Variants in PRKD1 observed in about 807,000 individuals in gnomAD.
The protein encoded by PRKD1 is serine/threonine-protein kinase D1.
Under a neutral mutation model 95.9 loss-of-function variants are expected in PRKD1, and 63 were observed. That is an observed-to-expected ratio of 0.66 (90% CI 0.54 to 0.81). The LOEUF is 0.81. Ranked by LOEUF, PRKD1 falls within the 30% of genes least tolerant of loss-of-function variation. The probability of loss-of-function intolerance (pLI) is 0.00; values close to 1 mark genes in which losing one functional copy is unlikely to be tolerated. For synonymous variants in PRKD1, 425 were observed against 423.1 expected (o/e 1.00, Z -0.05); for missense variants, 1,048 against 1,165.3 (o/e 0.90, Z 1.47).
intron 2 of PRKD1, among the ~76,000 whole-genome samples, chr14:29,687,972 G>A (rs143302426): frequency 3.9e-5 from 6 of 152,220 alleles, no homozygotes; most frequent in East Asian, 3.9e-4. Context: ...TGTAAACTCC[G>A]TGGCTTAAAA....
intron 1 of PRKD1, among the ~76,000 whole-genome samples, chr14:29,762,670 C>T (rs1888050708): frequency 6.6e-6 from 1 of 152,206 alleles, no homozygotes; most frequent in African/African-American, 2.4e-5. Flanking sequence ...TTCTAGATTG[C>T]AGACTCCCAC....
chr14:29,689,188 T>C (rs1884083073), intron 2 of PRKD1, among the ~76,000 whole-genome samples: 1 of 151,400 alleles, frequency 6.6e-6, no homozygotes, highest in Non-Finnish European at 1.5e-5. Flanking sequence ...ACCTACAGAA[T>C]GGGAGAAAAA....
At chr14:29,723,051 T>C (rs1430487302) in intron 2 of PRKD1, among the ~76,000 whole-genome samples, 1 of 152,052 alleles carries the variant, frequency 6.6e-6, no homozygotes, top group Non-Finnish European at 1.5e-5. Context: ...AGCCTTGTCT[T>C]ATTGGTGAAG....
chr14:29,813,177 C>A (rs1890560237), intron 1 of PRKD1, among the ~76,000 whole-genome samples: 1 of 152,046 alleles, frequency 6.6e-6, no homozygotes, highest in Non-Finnish European at 1.5e-5. Flanking sequence ...ATTCTAGAAA[C>A]CACAAAAATA....
At chr14:29,740,897 A>G (rs1444728247) in intron 1 of PRKD1, among the ~76,000 whole-genome samples, 1 of 152,234 alleles carries the variant, frequency 6.6e-6, no homozygotes, top group East Asian at 1.9e-4. Flanking sequence ...AATGTGGTAC[A>G]TATACACCAC....
rs117461050 is a variant in PRKD1 at position 29,921,399 on chromosome 14, A to T, written c.264+5850T>A. Among the ~76,000 whole-genome samples the T allele has an allele frequency of 6.7e-3, 1,017 of 151,700 alleles. 6 individuals carry two copies. Among genetic ancestry groups the T allele is most frequent in the Non-Finnish European group, 0.01 (699 of 67,878 alleles). On this transcript the variant is annotated intron_variant, in intron 1 of 17. Coordinates refer to ENST00000331968, the MANE Select transcript of PRKD1 (RefSeq NM_002742.3). Reference sequence around the variant, plus strand: ...TTATATATTGATATAAGAATAAGATAATAAATATAAATTTCTTTTGTTAAT... The same window carrying T: ...TTATATATTGATATAAGAATAAGATTATAAATATAAATTTCTTTTGTTAAT...
At chr14:29,776,493 C>T (rs141627628) in intron 1 of PRKD1, among the ~76,000 whole-genome samples, 577 of 152,074 alleles carry the variant, frequency 3.8e-3, no homozygotes, top group Non-Finnish European at 3.7e-3. Flanking sequence ...AACTACGGGA[C>T]GCATGCACAA....
intron 9 of PRKD1, 126 bp downstream of exon 9, chr14:29,632,743 A>AT: frequency 1.2e-6 from 1 of 808,560 alleles, no homozygotes. Context: ...AGAAAAAAAA[A>AT]ATAGTTCCTG....
chr14:29,720,748 C>A (rs1344040003), intron 2 of PRKD1, among the ~76,000 whole-genome samples: 2 of 151,112 alleles, frequency 1.3e-5, no homozygotes, highest in African/African-American at 2.4e-5. Flanking sequence ...CCACTGCACT[C>A]CAGCCTGGGT....
In PRKD1 at chr14:29,693,342, A is replaced by C; in HGVS notation, c.404-27134T>G. 1.3e-5 allele frequency among the ~76,000 whole-genome samples: 2 copies of C among 152,070 alleles called. 1 individual carries two copies. The highest frequency in any genetic ancestry group is 6.3e-3 in the Middle Eastern group (2 of 316). On this transcript the variant is annotated intron_variant, in intron 2 of 17. Coordinates refer to ENST00000331968, the MANE Select transcript of PRKD1 (RefSeq NM_002742.3). ...TGTTGGGAACTCTGTTAAATCTCAT[A>C]TTCTTTGCTGCAAGTTTGGGTCTTA...
In PRKD1 at chr14:29,638,862, A is replaced by T; in HGVS notation, c.739T>A (p.Ser247Thr). 1 of 1,607,902 alleles carries T rather than the reference A, an allele frequency of 6.2e-7. No homozygotes were observed. The highest frequency in any genetic ancestry group is 8.5e-7 in the Non-Finnish European group (1 of 1,176,622). Reference sequence around the variant, plus strand: ...CGTCCAATGTATGATTGAGAATTTGACCTCTTCTCTCGACCAATAAACGAC... The same window carrying T: ...CGTCCAATGTATGATTGAGAATTTGTCCTCTTCTCTCGACCAATAAACGAC... Reference protein sequence around the residue: ...SESFIGREKRSNSQSYIGRPI... With the variant: ...SESFIGREKRTNSQSYIGRPI... The change falls in exon 5 of 18, where the codon TCA becomes ACA. Residue 247 changes from serine to threonine, a missense_variant. Around this residue, in one of 3 missense-constraint regions of PRKD1, gnomAD observed 739 missense variants for 861.9 expected, o/e 0.86. Coordinates refer to ENST00000331968, the MANE Select transcript of PRKD1 (RefSeq NM_002742.3).
chr14:29,727,137 C>T (rs1003302065), intron 1 of PRKD1, among the ~76,000 whole-genome samples: 17 of 152,132 alleles, frequency 1.1e-4, no homozygotes, highest in Non-Finnish European at 1.0e-4. Context: ...ATTTGCATTT[C>T]TCTGATGGCC....
chr14:29,722,443 G>A (rs746515740), intron 2 of PRKD1, among the ~76,000 whole-genome samples: 2 of 152,138 alleles, frequency 1.3e-5, no homozygotes, highest in Non-Finnish European at 2.9e-5. Flanking sequence ...TCTTATGTGG[G>A]CCAAAAGAAT....
At chr14:29,579,062 C>T (rs1346690526) in intron 16 of PRKD1, among the ~76,000 whole-genome samples, 1 of 151,870 alleles carries the variant, frequency 6.6e-6, no homozygotes, top group Non-Finnish European at 1.5e-5. Context: ...GAACCACAAT[C>T]CCTCTGGCCT....
intron 1 of PRKD1, among the ~76,000 whole-genome samples, chr14:29,740,272 G>A (rs1473012874): frequency 6.6e-6 from 1 of 152,064 alleles, no homozygotes; most frequent in East Asian, 1.9e-4. Context: ...ATTTCATAAA[G>A]GCTAAATGTT....
intron 6 of PRKD1, among the ~76,000 whole-genome samples, chr14:29,637,814 C>T (rs748954449): frequency 1.3e-5 from 2 of 152,198 alleles, no homozygotes. Flanking sequence ...CTGAAAGTAT[C>T]TGTGATCTTT....
chr14:29,732,100 T>C (rs763413145), intron 1 of PRKD1, among the ~76,000 whole-genome samples: 11 of 152,158 alleles, frequency 7.2e-5, no homozygotes, highest in Non-Finnish European at 1.3e-4. Flanking sequence ...CTCGAACTCC[T>C]GACCTCAGGT....
chr14:29,822,484 A>G (rs1890952529), intron 1 of PRKD1, among the ~76,000 whole-genome samples: 1 of 152,176 alleles, frequency 6.6e-6, no homozygotes, highest in Admixed American at 6.5e-5. Context: ...ACAGAGCAAT[A>G]ATTATTTTAG....
At position 29,638,542 on chromosome 14, in the gene PRKD1, C is replaced by G; in HGVS notation, c.932G>C (p.Arg311Pro). 6.2e-7 allele frequency: 1 copy of G among 1,614,182 alleles called. No individual in the cohort carries two copies. Among genetic ancestry groups the G allele is most frequent in the Non-Finnish European group, 8.5e-7 (1 of 1,180,018 alleles). Residue 311 changes from arginine (R) to proline (P), a missense_variant, in exon 6 of 18, where the codon CGT becomes CCT. Physicochemically the swap from Arg to Pro is moderately radical, Grantham distance 103 (BLOSUM62 -2). Coordinates refer to ENST00000331968, the MANE Select transcript of PRKD1 (RefSeq NM_002742.3). Reference sequence around the variant, plus strand: ...GTTGTTTGGTACTTTCGGTGCACAACGTTTATGGCAGTTGAATCTGCAATC... The same window carrying G: ...GTTGTTTGGTACTTTCGGTGCACAAGGTTTATGGCAGTTGAATCTGCAATC... ...CKDCRFNCHK[R>P]CAPKVPNNCL...
Sources: gnomAD v4.1 joint callset for allele counts (sites outside exome capture counted in the v4.1 genomes callset) on GRCh38, gnomAD v4.1.1 for gene constraint, gnomAD v4.1.1 regional missense constraint, MANE v1.5 for transcripts, NCBI Gene and HGNC (gene_info 2026-07-23, HGNC 2026-07-21) for gene names.